The following DENND5B variants were observed in gnomAD, a reference collection of about 807,000 sequenced individuals.
DENND5B encodes DENN domain-containing protein 5B.
Under a neutral mutation model 140.6 loss-of-function variants are expected in DENND5B, and 34 were observed. That is an observed-to-expected ratio of 0.24 (90% CI 0.18 to 0.32). DENND5B has a LOEUF of 0.32. Among genes scored for constraint, DENND5B ranks in the 10% least tolerant of loss-of-function variants. The pLI is 1.00. For missense variants in DENND5B, 1,142 were observed against 1,560.2 expected, an observed-to-expected ratio of 0.73 and a Z score of 4.52; for synonymous variants, 551 against 562.1, an observed-to-expected ratio of 0.98 and a Z score of 0.28.
At chr12:31,546,451 C>A (rs1204436641) in intron 1 of DENND5B, among the ~76,000 whole-genome samples, 3 of 152,136 alleles carry the variant, frequency 2.0e-5, no homozygotes, top group African/African-American at 7.2e-5. Context: ...CTCTGGAAGG[C>A]TAAGGTGAGT....
At chr12:31,517,479 T>C (rs1316167813) in intron 1 of DENND5B, among the ~76,000 whole-genome samples, 1 of 152,196 alleles carries the variant, frequency 6.6e-6, no homozygotes, top group African/African-American at 2.4e-5. Context: ...GTGAAAAGTA[T>C]AGCACAGTAC....
intron 1 of DENND5B, among the ~76,000 whole-genome samples, chr12:31,549,086 C>T (rs997980333): frequency 2.0e-4 from 31 of 152,240 alleles, no homozygotes; most frequent in African/African-American, 6.7e-4. Context: ...TTTTTAGAGA[C>T]ACGAAGTCTC....
intron 1 of DENND5B, among the ~76,000 whole-genome samples, chr12:31,523,317 C>T (rs549514246): frequency 6.6e-6 from 1 of 152,236 alleles, no homozygotes; most frequent in African/African-American, 2.4e-5. Flanking sequence ...CCTGCCTTGG[C>T]CTTCCAAAGT....
intron 11 of DENND5B, among the ~76,000 whole-genome samples, chr12:31,423,253 G>GA (rs201707462): frequency 1.3e-4 from 20 of 148,552 alleles, no homozygotes; most frequent in African/African-American, 3.2e-4. Flanking sequence ...AAACTTGTAA[G>GA]AAAAAAAAAA....
chr12:31,447,136 T>C (rs1944310375), intron 6 of DENND5B, among the ~76,000 whole-genome samples: 1 of 151,812 alleles, frequency 6.6e-6, no homozygotes, highest in African/African-American at 2.4e-5. Context: ...TCAGGCGTGA[T>C]GGTGCGTGCC....
intron 7 of DENND5B, among the ~76,000 whole-genome samples, chr12:31,434,770 C>T (rs142724427): frequency 1.3e-5 from 2 of 152,216 alleles, no homozygotes; most frequent in African/African-American, 2.4e-5. Context: ...ATTCTGGGGT[C>T]GTCTAACATG....
intron 8 of DENND5B, among the ~76,000 whole-genome samples, chr12:31,427,719 TTA>T (rs1943312935): frequency 6.6e-6 from 1 of 152,128 alleles, no homozygotes; most frequent in Non-Finnish European, 1.5e-5. Context: ...CTGCTCTACA[TTA>T]TATAGTAAAA....
intron 1 of DENND5B, among the ~76,000 whole-genome samples, chr12:31,523,277 G>A (rs952232358): frequency 2.0e-5 from 3 of 152,048 alleles, no homozygotes; most frequent in African/African-American, 7.2e-5. Context: ...TGGCCAGGCT[G>A]GTCTCAAACT....
intron 11 of DENND5B, 45 bp from the exon 12 acceptor site, chr12:31,415,493 AT>A: frequency 2.1e-6 from 3 of 1,430,084 alleles, no homozygotes; most frequent in East Asian, 2.5e-5. Context: ...GTAATAAAAA[AT>A]ATACATGGTT....
intron 3 of DENND5B, among the ~76,000 whole-genome samples, chr12:31,461,309 C>G (rs1945010934): frequency 6.6e-6 from 1 of 152,036 alleles, no homozygotes; most frequent in African/African-American, 2.4e-5. Flanking sequence ...ATGTCTAACC[C>G]CTAGCCACAA....
intron 11 of DENND5B, among the ~76,000 whole-genome samples, chr12:31,416,816 G>A (rs1942764355): frequency 6.6e-6 from 1 of 151,536 alleles, no homozygotes; most frequent in East Asian, 2.0e-4. Context: ...GGGAAACATA[G>A]GGAGACCAGC....
At chr12:31,473,613 AC>A (rs1945657057) in intron 3 of DENND5B, among the ~76,000 whole-genome samples, 1 of 152,162 alleles carries the variant, frequency 6.6e-6, no homozygotes. Flanking sequence ...CCCAGTGACA[AC>A]TATCAGGGTG....
chr12:31,524,123 T>A (rs778432626), intron 1 of DENND5B, among the ~76,000 whole-genome samples: 2 of 150,110 alleles, frequency 1.3e-5, no homozygotes, highest in Non-Finnish European at 2.9e-5. Flanking sequence ...AATTAATGCA[T>A]GGAATAAAAA....
rs757186018 is a variant in DENND5B at position 31,480,298 on chromosome 12, A to G, written c.238-43T>C. 4.9e-6 allele frequency: 7 copies of G among 1,423,426 alleles called. No homozygotes were observed. The Admixed American group carries it at 1.2e-4, about 25-fold the overall frequency. 88.2% of individuals were successfully genotyped at this position (1,423,426 alleles called of 1,614,324 possible). ...AAAAAAATCAGAATGCAGTACACAAATAACTTCAAGCCAGAAATAAATGTT... is the reference window on the plus strand; with the variant it reads ...AAAAAAATCAGAATGCAGTACACAAGTAACTTCAAGCCAGAAATAAATGTT... On this transcript the variant is annotated intron_variant, in intron 2 of 20. Coordinates refer to ENST00000389082, the MANE Select transcript of DENND5B (RefSeq NM_144973.4).
At chr12:31,395,890 C>T (rs1383037847) in intron 17 of DENND5B, among the ~76,000 whole-genome samples, 1 of 119,372 alleles carries the variant, frequency 8.4e-6, no homozygotes, top group African/African-American at 3.3e-5. Context: ...GCTTGAGTGA[C>T]AGAAATACAT....
At chr12:31,412,983 T>C (rs1942545845) in intron 13 of DENND5B, among the ~76,000 whole-genome samples, 1 of 152,018 alleles carries the variant, frequency 6.6e-6, no homozygotes, top group Non-Finnish European at 1.5e-5. Context: ...CGCAGTGACA[T>C]GATCTCAGCT....
At chr12:31,449,294 T>C (rs1944405627) in intron 5 of DENND5B, among the ~76,000 whole-genome samples, 1 of 152,228 alleles carries the variant, frequency 6.6e-6, no homozygotes, top group Non-Finnish European at 1.5e-5. Flanking sequence ...AATCCACTTA[T>C]TCACTTTAAG....
At chr12:31,590,570 A>C (rs950875897) in intron 1 of DENND5B, 136 bp downstream of exon 1, 61 of 1,086,234 alleles carry the variant, frequency 5.6e-5, no homozygotes, top group Non-Finnish European at 6.9e-5. Flanking sequence ...CCCGAGCGCC[A>C]GTTCGGCCAG....
intron 5 of DENND5B, among the ~76,000 whole-genome samples, chr12:31,451,333 A>AT (rs915861219): frequency 6.6e-6 from 1 of 151,648 alleles, no homozygotes; most frequent in Non-Finnish European, 1.5e-5. Flanking sequence ...TTATTTATTT[A>AT]TTTTTTTTGA....
Sources: gnomAD v4.1 joint callset for allele counts (sites outside exome capture counted in the v4.1 genomes callset) on GRCh38, gnomAD v4.1.1 for gene constraint, MANE v1.5 for transcripts, NCBI Gene and HGNC (gene_info 2026-07-23, HGNC 2026-07-21) for gene names.